Variants in PCDHB5 observed in about 807,000 individuals in gnomAD.
PCDHB5 encodes the protein protocadherin beta-5.
For synonymous variants in PCDHB5, 569 were observed against 462.2 expected (o/e 1.23, Z -2.96); for missense variants, 1,125 against 1,029.4 (o/e 1.09, Z -1.27).
chr5:141,136,592 T>C lies in PCDHB5; in HGVS notation c.1158T>C (p.Asn386=). The C allele has an allele frequency of 6.2e-7, 1 of 1,614,122 alleles. No homozygotes were observed. The highest frequency in any genetic ancestry group is 8.5e-7 in the Non-Finnish European group (1 of 1,180,036). ...GTAGGATGATTTGCTCCATCCAGAA[T>C]GATCTCCCCTTTCTTTTGAAGCCCA... ...DNGRMICSIQ[N]DLPFLLKPTL... The change falls in exon 1 of 1, where the codon AAT becomes AAC. Residue 386 remains asparagine, a synonymous_variant. Coordinates refer to ENST00000231134, the MANE Select transcript of PCDHB5 (RefSeq NM_015669.5).
chr5:141,137,439 T>G lies in PCDHB5; in HGVS notation c.2005T>G (p.Tyr669Asp). 1 of 1,612,084 alleles carries G rather than the reference T, an allele frequency of 6.2e-7. No homozygotes were observed. Among genetic ancestry groups the G allele is most frequent in the South Asian group, 1.1e-5 (1 of 90,974 alleles). The change falls in exon 1 of 1, where the codon TAC (tyrosine) becomes GAC (aspartate). Residue 669 changes from tyrosine (Y) to aspartate (D), a missense_variant. Coordinates refer to ENST00000231134, the MANE Select transcript of PCDHB5 (RefSeq NM_015669.5). Reference protein sequence around the residue: ...VLLVDGFSQPYLPLPEAAPAQ... With the variant: ...VLLVDGFSQPDLPLPEAAPAQ... ...CCTGGTGGACGGCTTCTCCCAGCCC[T>G]ACCTGCCGCTGCCGGAGGCGGCCCC... is the stretch of plus-strand genomic sequence containing the variant.
chr5:141,137,281 T>C lies in PCDHB5; in HGVS notation c.1847T>C (p.Met616Thr), dbSNP rs781931778. Residue 616 changes from methionine (M) to threonine (T), a missense_variant, in exon 1 of 1, where the codon ATG becomes ACG. By Grantham distance (81) the Met-to-Thr change is moderately conservative. Coordinates refer to ENST00000231134, the MANE Select transcript of PCDHB5 (RefSeq NM_015669.5). Reference protein sequence around the residue: ...LKATEPGLFSMWAHNGEVRTA... With the variant: ...LKATEPGLFSTWAHNGEVRTA... ...GCCACGGAGCCCGGGCTGTTCAGCA[T>C]GTGGGCGCACAATGGCGAGGTGCGC... The C allele has an allele frequency of 6.2e-7, 1 of 1,610,628 alleles. No homozygotes were observed. Among genetic ancestry groups the C allele is most frequent in the South Asian group, 1.1e-5 (1 of 90,980 alleles).
Position 141,137,594 on chromosome 5 carries a change from G to C in PCDHB5, c.2160G>C (p.Pro720=). 3 of 1,613,124 alleles carry C rather than the reference G, an allele frequency of 1.9e-6. No individual in the cohort carries two copies. The highest frequency in any genetic ancestry group is 2.5e-6 in the Non-Finnish European group (3 of 1,179,986). ...VRLCRRSRAA[P]VGRCSVPEGP... is the part of the protein sequence containing the mutation. ...TGTGCAGGAGGAGCAGGGCGGCCCC[G>C]GTCGGTCGCTGCTCGGTGCCCGAGG... The change falls in exon 1 of 1, where the codon CCG becomes CCC. Residue 720 remains proline (P), a synonymous_variant. Transcript: ENST00000231134.
Position 141,136,384 on chromosome 5 carries a change from A to G in PCDHB5, c.950A>G (p.Glu317Gly). The G allele has an allele frequency of 6.2e-7, 1 of 1,614,114 alleles. No homozygotes were observed. Among genetic ancestry groups the G allele is most frequent in the African/African-American group, 1.3e-5 (1 of 75,036 alleles). ...DFEATPYYNV[E>G]IVATDGGGLS... is the part of the protein sequence containing the mutation. ...GAGGCAACTCCATATTATAACGTGGAAATTGTAGCCACAGATGGTGGGGGC... is the reference window on the plus strand; with the variant it reads ...GAGGCAACTCCATATTATAACGTGGGAATTGTAGCCACAGATGGTGGGGGC... The change falls in exon 1 of 1, where the codon GAA (glutamate) becomes GGA (glycine). Residue 317 changes from glutamate to glycine, a missense_variant. Glu to Gly is a moderately conservative substitution (Grantham distance 98). Transcript: ENST00000231134.
In PCDHB5 at chr5:141,136,520, T is replaced by A. The variant is rs1752580206; in HGVS notation, c.1086T>A (p.Thr362=). The A allele has an allele frequency of 2.5e-6, 4 of 1,613,978 alleles. No individual in the cohort carries two copies. Among genetic ancestry groups the A allele is most frequent in the Non-Finnish European group, 3.4e-6 (4 of 1,179,986 alleles). ...CTACCCCAGAAAATGCCCCGGAAAC[T>A]GTAGTTGCCGTTTTCAGTGTTTCTG... The part of the protein sequence containing the change: ...SSPTPENAPE[T]VVAVFSVSDP... Residue 362 remains threonine (T), a synonymous_variant, in exon 1 of 1, where the codon ACT becomes ACA. Coordinates refer to ENST00000231134, the MANE Select transcript of PCDHB5 (RefSeq NM_015669.5).
rs368503729 is a variant in PCDHB5, at chr5:141,137,824, G to A, written c.*2G>A. 1.9e-6 allele frequency: 3 copies of A among 1,580,628 alleles called. No individual in the cohort carries two copies. The highest frequency in any genetic ancestry group is 2.3e-5 in the South Asian group (2 of 86,556). ...CGGAATAGCTTTGGATTAAATTAGA[G>A]ATCTCGTGATGACGCGTTGTTTTCT... On this transcript the variant is annotated 3_prime_UTR_variant, in exon 1 of 1. Transcript: ENST00000231134.
In PCDHB5 at chr5:141,137,252, C is replaced by T; in HGVS notation, c.1818C>T (p.Leu606=). 1.2e-6 allele frequency: 2 copies of T among 1,610,908 alleles called. No individual in the cohort carries two copies. The highest frequency in any genetic ancestry group is 1.7e-6 in the Non-Finnish European group (2 of 1,179,696). ...ACGCCTGGCTGTCGTACCAGCTGCT[C>T]AAGGCCACGGAGCCCGGGCTGTTCA... ...GQNAWLSYQL[L]KATEPGLFSM... The change falls in exon 1 of 1, where the codon CTC becomes CTT. Residue 606 remains leucine, a synonymous_variant. Coordinates refer to ENST00000231134, the MANE Select transcript of PCDHB5 (RefSeq NM_015669.5).
At position 141,135,258 on chromosome 5, in the gene PCDHB5, A is replaced by C. The variant is rs571192377; in HGVS notation, c.-177A>C. 9.0e-5 allele frequency: 51 copies of C among 569,668 alleles called. 1 individual carries two copies. In the South Asian group the frequency reaches 1.2e-3, roughly 14 times the overall value. 35.3% of individuals were successfully genotyped at this position (569,668 alleles called of 1,614,324 possible). The stretch of plus-strand genomic sequence containing the variant: ...TAACTCAGACGCCATTAAGCTGGGG[A>C]ATCCAAACTCTAAAAGAAGGACGCA... On this transcript the variant is annotated 5_prime_UTR_variant, in exon 1 of 1. Transcript: ENST00000231134.
At position 141,137,639 on chromosome 5, in the gene PCDHB5, G is replaced by T; in HGVS notation, c.2205G>T (p.Leu735=). Residue 735 remains leucine (L), a synonymous_variant, in exon 1 of 1, where the codon CTG becomes CTT. Transcript: ENST00000231134. ...SVPEGPFPGH[L]VDVSGTGTLS... is the part of the protein sequence containing the mutation. The stretch of plus-strand genomic sequence containing the variant: ...CCGAGGGCCCCTTTCCAGGGCATCT[G>T]GTGGACGTGAGCGGCACCGGGACCC... 4 of 1,614,062 alleles carry T rather than the reference G, an allele frequency of 2.5e-6. No individual in the cohort carries two copies. Among genetic ancestry groups the T allele is most frequent in the Non-Finnish European group, 3.4e-6 (4 of 1,180,044 alleles).
rs1286846361 is a variant in PCDHB5, at chr5:141,136,151, C to A, written c.717C>A (p.Ala239=). Residue 239 remains alanine (A), a synonymous_variant, in exon 1 of 1, where the codon GCC becomes GCA. Transcript: ENST00000231134. The part of the protein sequence containing the change: ...RIVVLDNNDN[A]PEFLQSFYEV... ...TCGTCTTGGATAATAATGACAACGC[C>A]CCCGAATTTTTACAATCATTCTATG... The A allele has an allele frequency of 1.2e-6, 2 of 1,614,004 alleles. No individual in the cohort carries two copies. Among genetic ancestry groups the A allele is most frequent in the Admixed American group, 1.7e-5 (1 of 60,004 alleles).
Position 141,136,528 on chromosome 5 carries a change from C to T in PCDHB5, c.1094C>T (p.Ala365Val), listed in dbSNP as rs1274923298. The T allele has an allele frequency of 6.2e-7, 1 of 1,614,076 alleles. No individual in the cohort carries two copies. The change falls in exon 1 of 1, where the codon GCC (alanine) becomes GTC (valine). Residue 365 changes from alanine (A) to valine (V), a missense_variant. By Grantham distance (64) the Ala-to-Val change is moderately conservative. Coordinates refer to ENST00000231134, the MANE Select transcript of PCDHB5 (RefSeq NM_015669.5). Reference sequence around the variant, plus strand: ...GAAAATGCCCCGGAAACTGTAGTTGCCGTTTTCAGTGTTTCTGATCCAGAC... The same window carrying T: ...GAAAATGCCCCGGAAACTGTAGTTGTCGTTTTCAGTGTTTCTGATCCAGAC... ...TPENAPETVV[A>V]VFSVSDPDSG...
Position 141,136,095 on chromosome 5 carries a change from C to T in PCDHB5, c.661C>T (p.Pro221Ser). The change falls in exon 1 of 1, where the codon CCC (proline) becomes TCC (serine). Residue 221 changes from proline to serine, a missense_variant. Transcript: ENST00000231134. ...TLTALDGGAP[P>S]RSGTTTIRIV... Reference sequence around the variant, plus strand: ...CACTGCACTGGACGGTGGGGCTCCGCCCAGGTCCGGGACCACCACAATTCG... The same window carrying T: ...CACTGCACTGGACGGTGGGGCTCCGTCCAGGTCCGGGACCACCACAATTCG... 6.2e-7 allele frequency: 1 copy of T among 1,614,150 alleles called. No homozygotes were observed. The highest frequency in any genetic ancestry group is 8.5e-7 in the Non-Finnish European group (1 of 1,179,956).
In PCDHB5 at chr5:141,136,756, C is replaced by A; in HGVS notation, c.1322C>A (p.Ser441Tyr). 1 of 1,614,072 alleles carries A rather than the reference C, an allele frequency of 6.2e-7. No homozygotes were observed. The highest frequency in any genetic ancestry group is 1.3e-5 in the African/African-American group (1 of 75,020). ...GAGCACAACATAACGGTCCTGGTCT[C>A]CGACGTCAATGACAACGCCCCCGCC... ...KTEHNITVLV[S>Y]DVNDNAPAFT... Residue 441 changes from serine to tyrosine, a missense_variant, in exon 1 of 1, where the codon TCC becomes TAC. By Grantham distance (144) the Ser-to-Tyr change is moderately radical. Transcript: ENST00000231134.
chr5:141,136,419 A>G lies in PCDHB5; in HGVS notation c.985A>G (p.Lys329Glu). 6.2e-7 allele frequency: 1 copy of G among 1,614,154 alleles called. No homozygotes were observed. Among genetic ancestry groups the G allele is most frequent in the Non-Finnish European group, 8.5e-7 (1 of 1,180,028 alleles). ...VATDGGGLSG[K>E]CTVAIEVVDV... is the part of the protein sequence containing the mutation. ...CACAGATGGTGGGGGCCTTTCAGGAAAATGCACTGTGGCTATAGAAGTGGT... is the reference window on the plus strand; with the variant it reads ...CACAGATGGTGGGGGCCTTTCAGGAGAATGCACTGTGGCTATAGAAGTGGT... Residue 329 changes from lysine (K) to glutamate (E), a missense_variant, in exon 1 of 1, where the codon AAA becomes GAA. Physicochemically the swap from Lys to Glu is moderately conservative, Grantham distance 56. Coordinates refer to ENST00000231134, the MANE Select transcript of PCDHB5 (RefSeq NM_015669.5).
chr5:141,135,260 T>G lies in PCDHB5; in HGVS notation c.-175T>G, dbSNP rs1752540934. 8.7e-6 allele frequency: 5 copies of G among 572,466 alleles called. No homozygotes were observed. Among genetic ancestry groups the G allele is most frequent in the East Asian group, 5.8e-5 (2 of 34,766 alleles). The allele number at this position is 572,466 out of a possible 1,614,324, so 35.5% of individuals were successfully genotyped here. A position where few individuals can be genotyped will look rare whatever the true frequency, so the allele number is the denominator to read the frequency against. ...ACTCAGACGCCATTAAGCTGGGGAA[T>G]CCAAACTCTAAAAGAAGGACGCATT... On this transcript the variant is annotated 5_prime_UTR_variant, in exon 1 of 1. Coordinates refer to ENST00000231134, the MANE Select transcript of PCDHB5 (RefSeq NM_015669.5).
In PCDHB5 at chr5:141,135,796, T is replaced by G. The variant is rs1554275742; in HGVS notation, c.362T>G (p.Leu121Arg). The change falls in exon 1 of 1, where the codon CTG becomes CGG. Residue 121 changes from leucine (L) to arginine (R), a missense_variant. Transcript: ENST00000231134. Reference sequence around the variant, plus strand: ...CCAGTGCAGTTTTTTCAAACTGATCTGCAGCTCACAGATATAAATGACCAT... The same window carrying G: ...CCAGTGCAGTTTTTTCAAACTGATCGGCAGCTCACAGATATAAATGACCAT... Reference protein sequence around the residue: ...ENPVQFFQTDLQLTDINDHAP... With the variant: ...ENPVQFFQTDRQLTDINDHAP... 6.2e-7 allele frequency: 1 copy of G among 1,614,026 alleles called. No individual in the cohort carries two copies. Among genetic ancestry groups the G allele is most frequent in the South Asian group, 1.1e-5 (1 of 91,064 alleles).
chr5:141,135,426 G>C lies in PCDHB5; in HGVS notation c.-9G>C, dbSNP rs782540953. ...AGTTAAACTGCGCCTTCTGGACCGG[G>C]TCTGAACAATGGAGACTGCGCTAGC... On this transcript the variant is annotated 5_prime_UTR_variant, in exon 1 of 1. Coordinates refer to ENST00000231134, the MANE Select transcript of PCDHB5 (RefSeq NM_015669.5). 3.8e-6 allele frequency: 6 copies of C among 1,589,086 alleles called. No individual in the cohort carries two copies. In the South Asian group the frequency reaches 6.9e-5, roughly 18 times the overall value.
Position 141,135,663 on chromosome 5 carries a change from CTTG to C in PCDHB5, c.230_232del (p.Leu77_Asp78delinsHis), listed in dbSNP as rs1554275722. On this transcript the variant is annotated inframe_deletion, in exon 1 of 1. Transcript: ENST00000231134. ...CAAAGGAAACAAAGAGCTCTTGCAG[CTTG>C]ATATAAAGACCGGCAATTTGCTTCT... 1.2e-6 allele frequency: 2 copies of C among 1,614,044 alleles called. No individual in the cohort carries two copies. Among genetic ancestry groups the C allele is most frequent in the Middle Eastern group, 1.7e-4 (1 of 6,060 alleles).
rs782025790 is a variant in PCDHB5 at position 141,137,148 on chromosome 5, A to T, written c.1714A>T (p.Thr572Ser). ...GCTGCAGAACGGCTCGGCGCCTTGC[A>T]CCGAGCTGGTGCCCCGGGCGGCCGA... is the stretch of plus-strand genomic sequence containing the variant. ...YPLQNGSAPC[T>S]ELVPRAAEPG... Residue 572 changes from threonine to serine, a missense_variant, in exon 1 of 1, where the codon ACC (threonine) becomes TCC (serine). Thr to Ser is a moderately conservative substitution (Grantham distance 58, BLOSUM62 1). Coordinates refer to ENST00000231134, the MANE Select transcript of PCDHB5 (RefSeq NM_015669.5). 3.7e-5 allele frequency: 60 copies of T among 1,610,598 alleles called. No homozygotes were observed. Among genetic ancestry groups the T allele is most frequent in the Non-Finnish European group, 4.9e-5 (58 of 1,179,546 alleles).
Sources: allele counts gnomAD v4.1 joint callset, GRCh38; gene constraint gnomAD v4.1.1; transcripts MANE v1.5; gene names NCBI Gene and HGNC (gene_info 2026-07-23, HGNC 2026-07-21).